The following FAM228A variants were observed in gnomAD, a reference collection of about 807,000 sequenced individuals.
FAM228A encodes family with sequence similarity 228 member A, also known as protein FAM228A.
Under a neutral mutation model 18.6 loss-of-function variants are expected in FAM228A, and 13 were observed. The observed-to-expected ratio is 0.70, with a 90% confidence interval of 0.45 to 1.11. The LOEUF (loss-of-function observed/expected upper bound fraction) is 1.11. Ranked by LOEUF, FAM228A falls within the 50% of genes least tolerant of loss-of-function variation. The probability of loss-of-function intolerance (pLI) is 0.00; values close to 1 mark genes in which losing one functional copy is unlikely to be tolerated. For missense variants in FAM228A, 240 were observed against 242.2 expected (o/e 0.99, Z 0.06); for synonymous variants, 77 against 86.6 (o/e 0.89, Z 0.61).
rs13387930 is a variant in FAM228A, at chr2:24,191,531, A to G, written c.*900A>G. The G allele has an allele frequency of 0.3, 297,386 of 976,472 alleles. 46,982 individuals carry two copies. The highest frequency in any genetic ancestry group is 0.32 in the Non-Finnish European group (263,778 of 821,792). The allele number at this position is 976,472 out of a possible 1,614,324, so 60.5% of individuals were successfully genotyped here. A position where few individuals can be genotyped will look rare whatever the true frequency, so the allele number is the denominator to read the frequency against. ...ATTCCATGTATTTTTCAAATATTCA[A>G]GATGTACAACGTGATGATTTGCTAT... On this transcript the variant is annotated 3_prime_UTR_variant, in exon 6 of 6. Coordinates refer to ENST00000295150, the MANE Select transcript of FAM228A (RefSeq NM_001040710.3).
At chr2:24,181,373 C>G (rs1667811874) in intron 3 of FAM228A, among the ~76,000 whole-genome samples, 2 of 152,024 alleles carry the variant, frequency 1.3e-5, no homozygotes, top group Middle Eastern at 6.8e-3. Context: ...GTATACAATC[C>G]CTTTTTAAAT....
At chr2:24,184,177 T>C (rs1411655578) in intron 5 of FAM228A, among the ~76,000 whole-genome samples, 1 of 152,136 alleles carries the variant, frequency 6.6e-6, no homozygotes, top group African/African-American at 2.4e-5. Flanking sequence ...GTCAGGAGTT[T>C]GAGACTAGCC....
At chr2:24,186,830 G>T (rs528599255) in intron 5 of FAM228A, among the ~76,000 whole-genome samples, 38 of 151,938 alleles carry the variant, frequency 2.5e-4, no homozygotes, top group Admixed American at 2.5e-3. Context: ...GTAGAGAAGG[G>T]GTTTCACGTT....
intron 5 of FAM228A, among the ~76,000 whole-genome samples, chr2:24,183,939 C>T (rs549798214): frequency 6.6e-6 from 1 of 152,298 alleles, no homozygotes; most frequent in South Asian, 2.1e-4. Flanking sequence ...TAAGTGTTCA[C>T]CTCCTTGCTC....
intron 3 of FAM228A, among the ~76,000 whole-genome samples, chr2:24,181,625 A>AT (rs2151043516): frequency 6.6e-6 from 1 of 152,238 alleles, no homozygotes; most frequent in Non-Finnish European, 1.5e-5. Flanking sequence ...ACCTCAGGTG[A>AT]TTTACCTGCC....
intron 3 of FAM228A, 39 bp downstream of exon 3, chr2:24,177,909 A>G (rs1417909221): frequency 2.2e-6 from 3 of 1,351,198 alleles, no homozygotes; most frequent in African/African-American, 1.4e-5. Flanking sequence ...CATATGTTCT[A>G]GGGGAGCAAG....
chr2:24,183,769 T>C, intron 5 of FAM228A, 124 bp downstream of exon 5: 1 of 781,510 alleles, frequency 1.3e-6, no homozygotes, highest in South Asian at 2.0e-5. Context: ...ATTATTATCA[T>C]CACCTTTGTA....
At chr2:24,190,040 A>T (rs997678981) in intron 5 of FAM228A, among the ~76,000 whole-genome samples, 1 of 152,170 alleles carries the variant, frequency 6.6e-6, no homozygotes, top group Non-Finnish European at 1.5e-5. Context: ...CTTTCTTTGC[A>T]CATGGGCTTT....
intron 5 of FAM228A, among the ~76,000 whole-genome samples, chr2:24,189,160 T>C (rs1160283202): frequency 1.3e-5 from 2 of 152,208 alleles, no homozygotes; most frequent in African/African-American, 4.8e-5. Flanking sequence ...AATCCATTTT[T>C]CGCCCAGCAG....
At chr2:24,185,615 A>G (rs1353928555) in intron 5 of FAM228A, among the ~76,000 whole-genome samples, 1 of 152,134 alleles carries the variant, frequency 6.6e-6, no homozygotes, top group Non-Finnish European at 1.5e-5. Flanking sequence ...ATATCTCTCC[A>G]TTAGTGTGGG....
chr2:24,183,200 T>G, intron 3 of FAM228A, 85 bp from the exon 4 acceptor site: 1 of 1,001,030 alleles, frequency 1.0e-6, no homozygotes, highest in South Asian at 1.3e-5. Context: ...TCAGGGTCTA[T>G]TGTTCCCATC....
chr2:24,175,121 G>C lies in FAM228A; in HGVS notation c.-68G>C, dbSNP rs1458950106. On this transcript the variant is annotated 5_prime_UTR_variant, in exon 1 of 6. Coordinates refer to ENST00000295150, the MANE Select transcript of FAM228A (RefSeq NM_001040710.3). ...CGCTCCAGGACGCGGCCTCGGGGGA[G>C]CCCTACCGGGACGGAGCCGCGGGGC... 14 of 206,480 alleles carry C rather than the reference G, an allele frequency of 6.8e-5. No individual in the cohort carries two copies. The highest frequency in any genetic ancestry group is 8.7e-5 in the Non-Finnish European group (9 of 103,546). 12.8% of individuals were successfully genotyped at this position (206,480 alleles called of 1,614,324 possible). A position where few individuals can be genotyped will look rare whatever the true frequency, so the allele number is the denominator to read the frequency against.
intron 2 of FAM228A, among the ~76,000 whole-genome samples, chr2:24,177,341 G>A (rs1037642987): frequency 6.6e-6 from 1 of 152,192 alleles, no homozygotes; most frequent in African/African-American, 2.4e-5. Context: ...TTGGGAGGCT[G>A]AGGCAGGAGA....
Position 24,190,453 on chromosome 2 carries a change from AAG to A in FAM228A, c.447_448del (p.Lys151AspfsTer10), listed in dbSNP as rs1668055628. On this transcript the variant is annotated frameshift_variant, in exon 6 of 6. Coordinates refer to ENST00000295150, the MANE Select transcript of FAM228A (RefSeq NM_001040710.3). LOFTEE classifies it low-confidence loss of function (END_TRUNC). Reference sequence around the variant, plus strand: ...TATGCAGACAAGAAACAGAAAAGAAAAGAGAAAAAGACGGCCGACCTAAGTCA... The same window carrying A: ...TATGCAGACAAGAAACAGAAAAGAAAAGAAAAAGACGGCCGACCTAAGTCA... The A allele has an allele frequency of 1.9e-6, 3 of 1,613,988 alleles. No homozygotes were observed. Among genetic ancestry groups the A allele is most frequent in the Non-Finnish European group, 2.5e-6 (3 of 1,179,964 alleles).
chr2:24,175,835 C>A, intron 2 of FAM228A: 1 of 1,149,138 alleles, frequency 8.7e-7, no homozygotes, highest in Non-Finnish European at 1.1e-6. Context: ...CCGGCAGAAG[C>A]CAGGTCTGGG....
intron 5 of FAM228A, among the ~76,000 whole-genome samples, chr2:24,188,190 T>C (rs1419589737): frequency 2.6e-5 from 4 of 152,232 alleles, no homozygotes; most frequent in Non-Finnish European, 5.9e-5. Context: ...TGTGTCTGTT[T>C]GTTGTTAAAC....
chr2:24,175,280 G>A, intron 1 of FAM228A, 106 bp downstream of exon 1: 2 of 576,596 alleles, frequency 3.5e-6, no homozygotes, highest in Non-Finnish European at 6.2e-6. Context: ...TTGGCCCGAG[G>A]ACGACACGGG....
At chr2:24,188,255 T>C (rs1487663356) in intron 5 of FAM228A, among the ~76,000 whole-genome samples, 4 of 152,228 alleles carry the variant, frequency 2.6e-5, no homozygotes, top group Non-Finnish European at 5.9e-5. Context: ...ATTTGATTTT[T>C]TTAATTTTTA....
At chr2:24,175,397 C>A in intron 1 of FAM228A, 70 bp from the exon 2 acceptor site, 1 of 1,131,986 alleles carries the variant, frequency 8.8e-7, no homozygotes, top group South Asian at 1.2e-5. Context: ...TGAACACTCC[C>A]TGAGCCCAAA....
Sources: allele counts gnomAD v4.1 joint callset (sites outside exome capture counted in the v4.1 genomes callset), GRCh38; gene constraint gnomAD v4.1.1; transcripts MANE v1.5; gene names NCBI Gene and HGNC (gene_info 2026-07-23, HGNC 2026-07-21).